SOS1: variants seen among roughly 807,000 people sequenced by gnomAD.
SOS1 encodes the protein son of sevenless homolog 1.
A neutral mutation model predicts 157.6 loss-of-function variants in SOS1; 25 were observed. That is an observed-to-expected ratio of 0.16 (90% CI 0.12 to 0.22). The LOEUF is 0.22. Among genes scored for constraint, SOS1 ranks in the 10% least tolerant of loss-of-function variants. The pLI is 1.00. For synonymous variants in SOS1, 528 were observed against 534.0 expected, an observed-to-expected ratio of 0.99 and a Z score of 0.16; for missense variants, 1,237 against 1,599.1, an observed-to-expected ratio of 0.77 and a Z score of 3.86.
intron 10 of SOS1, among the ~76,000 whole-genome samples, chr2:39,019,220 A>G (rs144734446): frequency 1.4e-4 from 22 of 151,878 alleles, no homozygotes; most frequent in African/African-American, 4.3e-4. Context: ...TTCCCATAAA[A>G]TGTCAATTCT....
At chr2:39,116,685 A>T (rs1673661831) in intron 1 of SOS1, among the ~76,000 whole-genome samples, 1 of 152,110 alleles carries the variant, frequency 6.6e-6, no homozygotes, top group Non-Finnish European at 1.5e-5. Context: ...GCCTGGTGAA[A>T]CCCCATCTCT....
intron 6 of SOS1, among the ~76,000 whole-genome samples, chr2:39,048,343 C>G (rs1180126278): frequency 3.9e-5 from 6 of 151,982 alleles, no homozygotes; most frequent in Non-Finnish European, 7.4e-5. Context: ...GAGAAACGTG[C>G]TGCCATTCTA....
intron 8 of SOS1, among the ~76,000 whole-genome samples, chr2:39,029,095 T>C (rs1224245785): frequency 6.6e-6 from 1 of 152,210 alleles, no homozygotes; most frequent in Non-Finnish European, 1.5e-5. Context: ...AGAAAGGTCA[T>C]GACATTCAAA....
chr2:39,087,795 C>T (rs1672432135), intron 1 of SOS1, among the ~76,000 whole-genome samples: 1 of 152,142 alleles, frequency 6.6e-6, no homozygotes, highest in South Asian at 2.1e-4. Context: ...CCTCCCACCT[C>T]GGCCTCTAGC....
At chr2:39,091,473 C>A (rs1036137464) in intron 1 of SOS1, among the ~76,000 whole-genome samples, 1 of 152,104 alleles carries the variant, frequency 6.6e-6, no homozygotes, top group Non-Finnish European at 1.5e-5. Context: ...AGCCCCTTAA[C>A]TCTTTTCCAA....
chr2:39,010,780 A>C, intron 14 of SOS1, 77 bp from the exon 15 acceptor site: 1 of 1,184,590 alleles, frequency 8.4e-7, no homozygotes, highest in East Asian at 2.3e-5. Context: ...TAAAGGAGAC[A>C]AATAAAAACT....
At chr2:39,072,450 C>A (rs1378064905) in intron 1 of SOS1, among the ~76,000 whole-genome samples, 1 of 152,116 alleles carries the variant, frequency 6.6e-6, no homozygotes, top group African/African-American at 2.4e-5. Flanking sequence ...ATTTCAGGAG[C>A]ATAAGCCTTT....
chr2:38,995,437 G>A, intron 19 of SOS1, 50 bp from the exon 20 acceptor site: 1 of 1,508,518 alleles, frequency 6.6e-7, no homozygotes. Flanking sequence ...GTAGTAGAAA[G>A]GAAAGTTTTT....
chr2:39,120,312 A>T, intron 1 of SOS1, 24 bp downstream of exon 1: 2 of 1,554,866 alleles, frequency 1.3e-6, no homozygotes, highest in Non-Finnish European at 1.7e-6. Flanking sequence ...GCGGCCGGGA[A>T]GCGGGGTCCC....
intron 1 of SOS1, chr2:39,082,688 ACTTTT>A (rs1572879331): frequency 6.6e-6 from 1 of 152,200 alleles, no homozygotes; most frequent in Non-Finnish European, 1.5e-5. Context: ...GCGTTCCATT[ACTTTT>A]ATTTTAATTT....
chr2:39,012,325 C>T lies in SOS1; in HGVS notation c.2191G>A (p.Glu731Lys), dbSNP rs1162676680. The T allele has an allele frequency of 6.2e-7, 1 of 1,605,544 alleles. No homozygotes were observed. Reference protein sequence around the residue: ...VRGKAMKKWVESITKIIQRKK... With the variant: ...VRGKAMKKWVKSITKIIQRKK... ...CTTTGGATTATTTTAGTGATGGATTCAACCCATTTTTTCATTGCTTTACCT... is the reference window on the plus strand; with the variant it reads ...CTTTGGATTATTTTAGTGATGGATTTAACCCATTTTTTCATTGCTTTACCT... Residue 731 changes from glutamate to lysine, a missense_variant, in exon 14 of 23, where the codon GAA (glutamate) becomes AAA (lysine). By Grantham distance (56) the Glu-to-Lys change is moderately conservative. This residue lies in a region of SOS1 where 42 missense variants were observed against 80.4 expected (regional missense o/e 0.52). Transcript: ENST00000402219.
chr2:39,000,863 G>A (rs1419052629), intron 17 of SOS1, among the ~76,000 whole-genome samples: 1 of 152,192 alleles, frequency 6.6e-6, no homozygotes, highest in Non-Finnish European at 1.5e-5. Context: ...ATAGAAGAGA[G>A]ACATTTAAAA....
At chr2:39,091,329 CTT>C (rs1304699402) in intron 1 of SOS1, among the ~76,000 whole-genome samples, 1 of 152,150 alleles carries the variant, frequency 6.6e-6, no homozygotes, top group African/African-American at 2.4e-5. Context: ...GTTCCTGGTA[CTT>C]AAGCAGCTCA....
chr2:38,995,439 A>C (rs759760694), intron 19 of SOS1, 52 bp from the exon 20 acceptor site: 2 of 1,481,336 alleles, frequency 1.4e-6, no homozygotes, highest in Non-Finnish European at 1.9e-6. Context: ...AGTAGAAAGG[A>C]AAGTTTTTCT....
intron 6 of SOS1, among the ~76,000 whole-genome samples, chr2:39,045,523 A>G (rs978824370): frequency 2.0e-5 from 3 of 152,006 alleles, no homozygotes; most frequent in African/African-American, 7.2e-5. Context: ...ACTATTAGGA[A>G]GTGTTTCTCT....
At chr2:39,054,565 C>A (rs1179690395) in intron 5 of SOS1, 49 bp downstream of exon 5, 9 of 1,095,572 alleles carry the variant, frequency 8.2e-6, no homozygotes, top group Non-Finnish European at 1.1e-5. Flanking sequence ...AGTGGTCATG[C>A]AAATTTCACA....
intron 1 of SOS1, among the ~76,000 whole-genome samples, chr2:39,091,105 G>A (rs982137382): frequency 1.3e-5 from 2 of 152,148 alleles, no homozygotes; most frequent in Non-Finnish European, 2.9e-5. Flanking sequence ...CTGACTTCAG[G>A]TGATCCACCC....
At chr2:39,017,186 G>C (rs1429669676) in intron 10 of SOS1, among the ~76,000 whole-genome samples, 2 of 152,040 alleles carry the variant, frequency 1.3e-5, no homozygotes, top group Admixed American at 6.6e-5. Context: ...CCAGAACCTA[G>C]ATCATGTGAT....
At chr2:39,054,520 A>G (rs1671137041) in intron 5 of SOS1, 94 bp downstream of exon 5, 1 of 731,454 alleles carries the variant, frequency 1.4e-6, no homozygotes, top group African/African-American at 1.8e-5. Flanking sequence ...AAATTAACAA[A>G]TTAGTAATGA....
Sources: allele counts gnomAD v4.1 joint callset (sites outside exome capture counted in the v4.1 genomes callset), GRCh38; gene constraint gnomAD v4.1.1; regional missense constraint gnomAD v4.1.1; transcripts MANE v1.5; gene names NCBI Gene and HGNC (gene_info 2026-07-23, HGNC 2026-07-21).